TBC1D2B: variants seen among roughly 807,000 people sequenced by gnomAD.
The protein encoded by TBC1D2B is TBC1 domain family member 2B.
A neutral mutation model predicts 100.8 loss-of-function variants in TBC1D2B; 64 were observed. The ratio of observed to expected loss-of-function variants is 0.64; its 90% confidence interval spans 0.52 to 0.78. The LOEUF (loss-of-function observed/expected upper bound fraction) is 0.78, where lower values mean the gene tolerates loss of function less well. Ranked by LOEUF, TBC1D2B falls within the 30% of genes least tolerant of loss-of-function variation. The pLI, the probability that TBC1D2B is intolerant of heterozygous loss-of-function variation, is 0.00. For missense variants in TBC1D2B, 1,052 were observed against 1,218.4 expected (o/e 0.86, Z 2.03); for synonymous variants, 480 against 479.7 (o/e 1.00, Z -0.01).
Position 78,024,169 on chromosome 15 carries a change from A to G in TBC1D2B, c.1457T>C (p.Leu486Pro), listed in dbSNP as rs779265567. Residue 486 changes from leucine (L) to proline (P), a missense_variant, in exon 6 of 13, where the codon CTG (leucine) becomes CCG (proline). Transcript: ENST00000300584. The part of the protein sequence containing the change: ...VVPVARDQLE[L>P]DRLKDNLQGY... ...CCCCACTCTTACTTTCAGCCTGTCC[A>G]GTTCCAGCTGGTCCCTGGCAACAGG... is the stretch of plus-strand genomic sequence containing the variant. 8.1e-6 allele frequency: 13 copies of G among 1,612,520 alleles called. No homozygotes were observed. The Admixed American group carries it at 8.3e-5, about 10-fold the overall frequency.
chr15:78,012,324 C>T (rs1456802043), intron 9 of TBC1D2B, among the ~76,000 whole-genome samples: 1 of 152,178 alleles, frequency 6.6e-6, no homozygotes. Flanking sequence ...TCGGCATCCT[C>T]TGCCTATGGA....
chr15:78,009,974 CAAAAAAAAAAA>C (rs59641885), intron 9 of TBC1D2B, among the ~76,000 whole-genome samples: 1 of 95,948 alleles, frequency 1.0e-5, no homozygotes, highest in African/African-American at 4.1e-5. Flanking sequence ...GACTCCGTCT[CAAAAAAAAAAA>C]AAAAAAAAGA....
At position 78,030,006 on chromosome 15, in the gene TBC1D2B, C is replaced by A. The variant is rs1328059956; in HGVS notation, c.847+1G>T. ...ACAGACAACAGGAAGTACATTGATA[C>A]CTTTGTTTCCTTCAGGGGTCAGCTT... On this transcript the variant is annotated splice_donor_variant, in intron 4 of 12. Transcript: ENST00000300584. LOFTEE classifies it high-confidence loss of function. 6.2e-7 allele frequency: 1 copy of A among 1,605,310 alleles called. No individual in the cohort carries two copies. The highest frequency in any genetic ancestry group is 1.7e-5 in the Admixed American group (1 of 58,184).
chr15:77,999,505 G>A, intron 12 of TBC1D2B: 1 of 261,770 alleles, frequency 3.8e-6, no homozygotes, highest in South Asian at 3.4e-5. Context: ...AACAGAGAAC[G>A]CCCAAGCACA....
At position 77,995,858 on chromosome 15, in the gene TBC1D2B, G is replaced by A. The variant is rs1246891017; in HGVS notation, c.*2302C>T. The A allele has an allele frequency of 1.8e-4, 28 of 151,674 alleles. No homozygotes were observed. The highest frequency in any genetic ancestry group is 3.8e-4 in the Non-Finnish European group (26 of 67,810). 9.4% of individuals were successfully genotyped at this position (151,674 alleles called of 1,614,324 possible). A position where few individuals can be genotyped will look rare whatever the true frequency, so the allele number is the denominator to read the frequency against. On this transcript the variant is annotated 3_prime_UTR_variant, in exon 13 of 13. Coordinates refer to ENST00000300584, the MANE Select transcript of TBC1D2B (RefSeq NM_144572.2). ...GCTTGGGGCAGCCCCTGTCAGAAGG[G>A]CCCCCTGCCATGGCAGCCAGTGGAG... is the stretch of plus-strand genomic sequence containing the variant.
chr15:78,063,445 C>G (rs1392125966), intron 1 of TBC1D2B, among the ~76,000 whole-genome samples: 1 of 152,192 alleles, frequency 6.6e-6, no homozygotes, highest in African/African-American at 2.4e-5. Context: ...TGGTTTTTCT[C>G]AAATATTGAA....
intron 3 of TBC1D2B, among the ~76,000 whole-genome samples, chr15:78,038,833 G>A (rs560997017): frequency 1.5e-4 from 23 of 152,300 alleles, no homozygotes; most frequent in African/African-American, 3.6e-4. Flanking sequence ...TCTCATGACC[G>A]CAGTGATTTC....
chr15:78,075,292 G>A (rs764278448), intron 1 of TBC1D2B, among the ~76,000 whole-genome samples: 133 of 151,760 alleles, frequency 8.8e-4, no homozygotes, highest in Non-Finnish European at 1.4e-3. Context: ...TCTTCCTCCC[G>A]GGTTCACGCC....
chr15:78,001,416 GA>G (rs1567010882), intron 12 of TBC1D2B, among the ~76,000 whole-genome samples: 2 of 152,226 alleles, frequency 1.3e-5, no homozygotes, highest in Non-Finnish European at 2.9e-5. Flanking sequence ...ATAAAGGACA[GA>G]ATCCTCATCT....
chr15:78,037,232 C>T (rs533192710), intron 3 of TBC1D2B, among the ~76,000 whole-genome samples: 12 of 152,276 alleles, frequency 7.9e-5, no homozygotes, highest in South Asian at 2.1e-4. Context: ...TAGCACCCTA[C>T]GCACCTGGCA....
chr15:78,007,236 C>T (rs2072091640), intron 10 of TBC1D2B, among the ~76,000 whole-genome samples: 1 of 152,198 alleles, frequency 6.6e-6, no homozygotes, highest in Non-Finnish European at 1.5e-5. Context: ...CATCTTTACC[C>T]TGAGGAGCCC....
chr15:78,012,796 T>G (rs377139465), intron 9 of TBC1D2B, 27 bp downstream of exon 9: 2 of 1,418,998 alleles, frequency 1.4e-6, no homozygotes, highest in Non-Finnish European at 1.8e-6. Flanking sequence ...TAATGGCAAA[T>G]GGGAACATTT....
At position 78,033,390 on chromosome 15, in the gene TBC1D2B, A is replaced by C. The variant is rs145511148; in HGVS notation, c.684-3220T>G. 6.4e-3 allele frequency among the ~76,000 whole-genome samples: 981 copies of C among 152,342 alleles called. 17 individuals carry two copies. Among genetic ancestry groups the C allele is most frequent in the African/African-American group, 0.022 (934 of 41,578 alleles). On this transcript the variant is annotated intron_variant, in intron 3 of 12. Coordinates refer to ENST00000300584, the MANE Select transcript of TBC1D2B (RefSeq NM_144572.2). Reference sequence around the variant, plus strand: ...GTAAGTCTCCAAAAACGTTAAGTGAAAGAAGACACACAGGAGACTATAAGG... The same window carrying C: ...GTAAGTCTCCAAAAACGTTAAGTGACAGAAGACACACAGGAGACTATAAGG...
chr15:78,022,520 A>C (rs1234508596), intron 6 of TBC1D2B, among the ~76,000 whole-genome samples: 2 of 150,768 alleles, frequency 1.3e-5, no homozygotes, highest in Admixed American at 1.3e-4. Context: ...TCTTATTAAA[A>C]AAACAAACAA....
At chr15:78,025,557 C>T (rs2072642835) in intron 4 of TBC1D2B, 60 bp from the exon 5 acceptor site, 5 of 1,302,172 alleles carry the variant, frequency 3.8e-6, no homozygotes, top group South Asian at 3.3e-5. Context: ...GACGGAGTGT[C>T]GGTCTGTCGC....
At chr15:78,040,705 G>A (rs935244790) in intron 3 of TBC1D2B, among the ~76,000 whole-genome samples, 1 of 134,332 alleles carries the variant, frequency 7.4e-6, no homozygotes, top group African/African-American at 2.8e-5. Flanking sequence ...GGGGGAGGGA[G>A]GGAGGAAGGA....
chr15:78,039,877 A>C (rs2073035261), intron 3 of TBC1D2B, among the ~76,000 whole-genome samples: 1 of 152,100 alleles, frequency 6.6e-6, no homozygotes, highest in African/African-American at 2.4e-5. Flanking sequence ...GGGATTCCAA[A>C]ACCTGGGCTG....
chr15:78,024,675 T>C (rs2072612802), intron 5 of TBC1D2B, 136 bp from the exon 6 acceptor site: 1 of 800,736 alleles, frequency 1.2e-6, no homozygotes, highest in Non-Finnish European at 1.9e-6. Flanking sequence ...ATTTTAATAC[T>C]GAACTTCCTC....
At chr15:78,039,275 G>A (rs751895726) in intron 3 of TBC1D2B, among the ~76,000 whole-genome samples, 3 of 152,152 alleles carry the variant, frequency 2.0e-5, no homozygotes, top group Admixed American at 6.5e-5. Flanking sequence ...TTTGGGCTGC[G>A]CCGGGCCCTC....
Sources: allele counts gnomAD v4.1 joint callset (sites outside exome capture counted in the v4.1 genomes callset), GRCh38; gene constraint gnomAD v4.1.1; transcripts MANE v1.5; gene names NCBI Gene and HGNC (gene_info 2026-07-23, HGNC 2026-07-21).